The following PEPD variants were observed in gnomAD, a reference collection of about 807,000 sequenced individuals.
PEPD encodes peptidase D.
In PEPD, 53 loss-of-function variants were observed where a neutral mutation model predicts 60.7. The observed-to-expected ratio is 0.87, with a 90% CI of 0.70 to 1.10. The LOEUF (loss-of-function observed/expected upper bound fraction) is 1.10. Among genes scored for constraint, PEPD ranks in the 50% least tolerant of loss-of-function variants. The probability of loss-of-function intolerance (pLI) is 0.00; values close to 1 mark genes in which losing one functional copy is unlikely to be tolerated. For missense variants in PEPD, 711 were observed against 711.9 expected, an observed-to-expected ratio of 1.00 and a Z score of 0.01; for synonymous variants, 267 against 284.1, an observed-to-expected ratio of 0.94 and a Z score of 0.60.
chr19:33,434,119 T>G lies in PEPD; in HGVS notation c.672-20476A>C, dbSNP rs562064953. Among the ~76,000 whole-genome samples, 5 of 152,316 alleles carry G rather than the reference T, an allele frequency of 3.3e-5. No individual in the cohort carries two copies. In the South Asian group the frequency reaches 1.0e-3, roughly 32 times the overall value. On this transcript the variant is annotated intron_variant, in intron 9 of 14. Transcript: ENST00000244137. ...GTCAGTGGGATGGTACGTGCCTTTC[T>G]GAGCCTGGCTTCTTTTGCTAGACAT...
intron 9 of PEPD, among the ~76,000 whole-genome samples, chr19:33,436,689 T>C (rs1969384083): frequency 6.6e-6 from 1 of 152,240 alleles, no homozygotes; most frequent in South Asian, 2.1e-4. Flanking sequence ...AATCACCTCA[T>C]GGGCACTGAG....
intron 6 of PEPD, among the ~76,000 whole-genome samples, chr19:33,485,392 C>G (rs542618091): frequency 6.6e-6 from 1 of 150,418 alleles, no homozygotes; most frequent in Non-Finnish European, 1.5e-5. Context: ...ACCTGGGAGG[C>G]TGAGGCGGAA....
At chr19:33,512,454 ACCAC>A (rs1568511914) in intron 2 of PEPD, 135 bp downstream of exon 2, 1 of 806,068 alleles carries the variant, frequency 1.2e-6, no homozygotes, top group South Asian at 1.5e-5. Context: ...GAGCCCCTGG[ACCAC>A]TTCCCAGGCG....
At chr19:33,476,270 C>T (rs1293161180) in intron 7 of PEPD, among the ~76,000 whole-genome samples, 5 of 152,140 alleles carry the variant, frequency 3.3e-5, no homozygotes, top group African/African-American at 7.2e-5. Flanking sequence ...CCTCTAACCC[C>T]GAGGGTCAGT....
At chr19:33,469,447 C>G (rs1187540135) in intron 7 of PEPD, among the ~76,000 whole-genome samples, 1 of 152,186 alleles carries the variant, frequency 6.6e-6, no homozygotes, top group Middle Eastern at 3.2e-3. Flanking sequence ...ACTTCTGCCC[C>G]CCACGGGAGC....
At chr19:33,449,491 C>T (rs898529263) in intron 9 of PEPD, among the ~76,000 whole-genome samples, 2 of 152,126 alleles carry the variant, frequency 1.3e-5, no homozygotes, top group African/African-American at 4.8e-5. Context: ...CAGGAAGGGA[C>T]CAAGCCACAA....
chr19:33,428,851 G>A (rs1303555858), intron 9 of PEPD, among the ~76,000 whole-genome samples: 2 of 152,238 alleles, frequency 1.3e-5, no homozygotes, highest in Non-Finnish European at 2.9e-5. Flanking sequence ...GGCAGGAACA[G>A]CAGGCCTGAA....
chr19:33,435,871 C>T (rs1969366318), intron 9 of PEPD, among the ~76,000 whole-genome samples: 1 of 152,218 alleles, frequency 6.6e-6, no homozygotes, highest in African/African-American at 2.4e-5. Flanking sequence ...AGGCTCTCAG[C>T]AGGTCCTCGG....
intron 9 of PEPD, among the ~76,000 whole-genome samples, chr19:33,445,581 CAGAGAG>C (rs1568475217): frequency 6.6e-6 from 1 of 152,220 alleles, no homozygotes; most frequent in Non-Finnish European, 1.5e-5. Context: ...AGAGAGGCCT[CAGAGAG>C]TAGCAGCCCT....
intron 12 of PEPD, among the ~76,000 whole-genome samples, chr19:33,393,342 C>G (rs979149152): frequency 2.0e-5 from 3 of 151,574 alleles, no homozygotes; most frequent in Non-Finnish European, 4.4e-5. Flanking sequence ...CCTGGGGCAA[C>G]TCTGGCTGCA....
chr19:33,387,923 G>A lies in PEPD; in HGVS notation c.1311C>T (p.Arg437=), dbSNP rs369197590. 5.2e-5 allele frequency: 83 copies of A among 1,591,364 alleles called. No individual in the cohort carries two copies. The highest frequency in any genetic ancestry group is 3.3e-4 in the Middle Eastern group (2 of 6,000). Reference sequence around the variant, plus strand: ...AACCGCGAAAGCGCTGCAGGACCTCGCGGTTAAGGAAGGAGGCGCGGGCCG... The same window carrying A: ...AACCGCGAAAGCGCTGCAGGACCTCACGGTTAAGGAAGGAGGCGCGGGCCG... ...ADPARASFLN[R]EVLQRFRGFG... The change falls in exon 14 of 15, where the codon CGC becomes CGT. Residue 437 remains arginine, a synonymous_variant. Transcript: ENST00000244137.
intron 9 of PEPD, among the ~76,000 whole-genome samples, chr19:33,431,992 C>CA (rs906879187): frequency 0.2 from 15,251 of 77,776 alleles, 2,257 homozygotes; most frequent in African/African-American, 0.41. Flanking sequence ...GACACCACCT[C>CA]AAAAAAAAAA....
chr19:33,510,307 AGAAG>A (rs1359459983), intron 3 of PEPD, among the ~76,000 whole-genome samples: 1 of 152,222 alleles, frequency 6.6e-6, no homozygotes, highest in East Asian at 1.9e-4. Context: ...TTAATAGGCA[AGAAG>A]GAAGGGAGAA....
chr19:33,509,368 C>A (rs773910449), intron 3 of PEPD, among the ~76,000 whole-genome samples: 1 of 152,236 alleles, frequency 6.6e-6, no homozygotes, highest in Non-Finnish European at 1.5e-5. Flanking sequence ...CAGGCTGAGT[C>A]CTGCCCAGCA....
chr19:33,423,804 C>G (rs1032110878), intron 9 of PEPD, among the ~76,000 whole-genome samples: 3 of 152,216 alleles, frequency 2.0e-5, no homozygotes, highest in African/African-American at 7.2e-5. Context: ...AGATAATTTA[C>G]ATTTTTATTG....
At chr19:33,489,825 A>C (rs1970464037) in intron 6 of PEPD, among the ~76,000 whole-genome samples, 171 bp downstream of exon 6, 1 of 152,086 alleles carries the variant, frequency 6.6e-6, no homozygotes, top group Admixed American at 6.5e-5. Context: ...TTCAAGAAAA[A>C]TCAAGGTGAT....
intron 1 of PEPD, 71 bp downstream of exon 1, chr19:33,521,673 C>G (rs1971139234): frequency 6.7e-7 from 1 of 1,492,784 alleles, no homozygotes; most frequent in African/African-American, 1.4e-5. Flanking sequence ...CGCTCTCACC[C>G]GCGGTCCGGC....
intron 3 of PEPD, among the ~76,000 whole-genome samples, chr19:33,505,116 G>A (rs1008228212): frequency 1.3e-5 from 2 of 152,176 alleles, no homozygotes; most frequent in Non-Finnish European, 2.9e-5. Context: ...TCAAAAAGCA[G>A]GTCTTGCTGG....
intron 4 of PEPD, among the ~76,000 whole-genome samples, chr19:33,498,162 G>A (rs1446780164): frequency 2.0e-5 from 3 of 152,024 alleles, no homozygotes; most frequent in African/African-American, 2.4e-5. Flanking sequence ...TGCTGTCAAC[G>A]TGAGCCTTGT....
Sources: gnomAD v4.1 joint callset for allele counts (sites outside exome capture counted in the v4.1 genomes callset) on GRCh38, gnomAD v4.1.1 for gene constraint, MANE v1.5 for transcripts, NCBI Gene and HGNC (gene_info 2026-07-23, HGNC 2026-07-21) for gene names.